CDK2AP1: variants seen among roughly 807,000 people sequenced by gnomAD.
The protein encoded by CDK2AP1 is cyclin-dependent kinase 2-associated protein 1.
A neutral mutation model predicts 14.1 loss-of-function variants in CDK2AP1; 10 were observed. That is an observed-to-expected ratio of 0.71 (90% CI 0.44 to 1.20). The LOEUF is 1.20. CDK2AP1 is among the 50% of genes most tolerant of loss of function. CDK2AP1 has a pLI of 0.00. For synonymous variants in CDK2AP1, 59 were observed against 59.8 expected (o/e 0.99, Z 0.06); for missense variants, 102 against 149.9 (o/e 0.68, Z 1.67).
chr12:123,271,582 CG>C lies in CDK2AP1; in HGVS notation c.36del (p.Ala13ProfsTer35). The C allele has an allele frequency of 9.9e-7, 1 of 1,010,218 alleles. No homozygotes were observed. The highest frequency in any genetic ancestry group is 5.2e-5 in the Admixed American group (1 of 19,372). The allele number at this position is 1,010,218 out of a possible 1,614,324, so 62.6% of individuals were successfully genotyped here. ...SYKPNLAAHM[P>X]AAALNAAGSV... ...CACTCACCGGCGTTGAGGGCGGCGG[CG>C]GGCATGTGCGCGGCCAAGTTCGGTT... On this transcript the variant is annotated frameshift_variant, in exon 1 of 4. Transcript: ENST00000261692. LOFTEE classifies it high-confidence loss of function.
chr12:123,270,059 T>C (rs2048339904), intron 1 of CDK2AP1: 1 of 220,182 alleles, frequency 4.5e-6, no homozygotes, highest in Non-Finnish European at 7.7e-6. Flanking sequence ...AGGGTCCCAG[T>C]TTAGGGCCCC....
intron 1 of CDK2AP1, among the ~76,000 whole-genome samples, chr12:123,269,521 C>A (rs899639589): frequency 6.6e-6 from 1 of 152,234 alleles, no homozygotes; most frequent in Non-Finnish European, 1.5e-5. Flanking sequence ...AAGGCCGTCT[C>A]GGCGCATCTC....
At chr12:123,267,749 AG>A (rs1437067044) in intron 1 of CDK2AP1, 1 of 162,278 alleles carries the variant, frequency 6.2e-6, no homozygotes, top group African/African-American at 2.4e-5. Flanking sequence ...ATGACAGGGA[AG>A]ACAGGAAGGC....
intron 2 of CDK2AP1, among the ~76,000 whole-genome samples, chr12:123,266,631 G>A (rs2048298663): frequency 6.6e-6 from 1 of 152,254 alleles, no homozygotes. Flanking sequence ...TCACCCTTGG[G>A]CTGATGAGGA....
At position 123,265,074 on chromosome 12, in the gene CDK2AP1, G is replaced by T; in HGVS notation, c.280+122C>A. 7.3e-7 allele frequency: 1 copy of T among 1,363,416 alleles called. No homozygotes were observed. Among genetic ancestry groups the T allele is most frequent in the Non-Finnish European group, 1.0e-6 (1 of 981,326 alleles). The allele number at this position is 1,363,416 out of a possible 1,614,324, so 84.5% of individuals were successfully genotyped here. ...ACCACAGACGGCAACTCTGTAACAAGACAGGAGCTCCCATGAGTGAGCCTC... is the reference window on the plus strand; with the variant it reads ...ACCACAGACGGCAACTCTGTAACAATACAGGAGCTCCCATGAGTGAGCCTC... On this transcript the variant is annotated intron_variant, in intron 3 of 3. Coordinates refer to ENST00000261692, the MANE Select transcript of CDK2AP1 (RefSeq NM_004642.4). This position sits in a 1 kb window ranked among gnomAD's most constrained non-coding sequence, Gnocchi z 5.3.
At position 123,265,136 on chromosome 12, in the gene CDK2AP1, CTT is replaced by C; in HGVS notation, c.280+58_280+59del. ...ACCTTCCCACATTTTCCCCAAAAGT[CTT>C]TCCAGAGTTAAAGGTCTAGCACTGT... On this transcript the variant is annotated intron_variant, in intron 3 of 3. Coordinates refer to ENST00000261692, the MANE Select transcript of CDK2AP1 (RefSeq NM_004642.4). The surrounding 1 kb of genome is among the most constrained non-coding windows in gnomAD (Gnocchi z 5.3). 17 of 1,603,848 alleles carry C rather than the reference CTT, an allele frequency of 1.1e-5. No individual in the cohort carries two copies. Among genetic ancestry groups the C allele is most frequent in the Non-Finnish European group, 1.4e-5 (17 of 1,172,992 alleles).
At chr12:123,268,652 G>C (rs1375794427) in intron 1 of CDK2AP1, among the ~76,000 whole-genome samples, 1 of 152,252 alleles carries the variant, frequency 6.6e-6, no homozygotes, top group African/African-American at 2.4e-5. Flanking sequence ...GCCACTCCGA[G>C]CCTCAGTTTC....
Position 123,265,762 on chromosome 12 carries a change from C to T in CDK2AP1, c.154-440G>A, listed in dbSNP as rs1230958091. ...AAGCAACTTTATTATCTCCAATGAA[C>T]AAAACAGGGGAAACAGCTCATTTTG... On this transcript the variant is annotated intron_variant, in intron 2 of 3. Coordinates refer to ENST00000261692, the MANE Select transcript of CDK2AP1 (RefSeq NM_004642.4). The surrounding 1 kb of genome is among the most constrained non-coding windows in gnomAD (Gnocchi z 5.3). Among the ~76,000 whole-genome samples, 1 of 152,134 alleles carries T rather than the reference C, an allele frequency of 6.6e-6. No homozygotes were observed. The highest frequency in any genetic ancestry group is 1.5e-5 in the Non-Finnish European group (1 of 68,014).
rs1018613234 is a variant in CDK2AP1, at chr12:123,265,935, TG to T, written c.154-614del. Among the ~76,000 whole-genome samples, 3 of 151,944 alleles carry T rather than the reference TG, an allele frequency of 2.0e-5. No individual in the cohort carries two copies. Among genetic ancestry groups the T allele is most frequent in the Non-Finnish European group, 4.4e-5 (3 of 67,954 alleles). On this transcript the variant is annotated intron_variant, in intron 2 of 3. Transcript: ENST00000261692. The surrounding 1 kb of genome is among the most constrained non-coding windows in gnomAD (Gnocchi z 5.3). ...GATCCGCCATGGCCCAGCCAGAGCC[TG>T]GAATGCATTCCCTTCTCTCATCCTC...
intron 2 of CDK2AP1, among the ~76,000 whole-genome samples, chr12:123,266,588 G>A (rs1328783378): frequency 1.3e-5 from 2 of 152,254 alleles, no homozygotes; most frequent in African/African-American, 2.4e-5. Flanking sequence ...CCCCATTCCT[G>A]CTGTTCGCCA....
chr12:123,268,863 GGCA>G (rs2048326151), intron 1 of CDK2AP1, among the ~76,000 whole-genome samples: 1 of 152,214 alleles, frequency 6.6e-6, no homozygotes, highest in Admixed American at 6.5e-5. Flanking sequence ...CTTCTGATGT[GGCA>G]GCAAGCATGG....
rs1428173787 is a variant in CDK2AP1, at chr12:123,271,598, C to G, written c.21G>C (p.Leu7Phe). The change falls in exon 1 of 4, where the codon TTG (leucine) becomes TTC (phenylalanine). Residue 7 changes from leucine to phenylalanine, a missense_variant. Leu to Phe is a conservative substitution (Grantham distance 22). Coordinates refer to ENST00000261692, the MANE Select transcript of CDK2AP1 (RefSeq NM_004642.4). MSYKPN[L>F]AAHMPAAALN... ...GGGCGGCGGCGGGCATGTGCGCGGC[C>G]AAGTTCGGTTTGTAAGACATCCCCC... 28 of 1,007,474 alleles carry G rather than the reference C, an allele frequency of 2.8e-5. No homozygotes were observed. The highest frequency in any genetic ancestry group is 3.2e-5 in the Non-Finnish European group (27 of 844,936). The allele number at this position is 1,007,474 out of a possible 1,614,324, so 62.4% of individuals were successfully genotyped here. A position where few individuals can be genotyped will look rare whatever the true frequency, so the allele number is the denominator to read the frequency against.
chr12:123,263,210 C>CAA (rs1322793114), intron 3 of CDK2AP1, among the ~76,000 whole-genome samples: 51 of 71,962 alleles, frequency 7.1e-4, no homozygotes, highest in Non-Finnish European at 7.7e-4. Flanking sequence ...GACTCTGTCT[C>CAA]AAAAAAAAAA....
At position 123,261,483 on chromosome 12, in the gene CDK2AP1, G is replaced by C. The variant is rs1480490894; in HGVS notation, c.*253C>G. 2 of 422,330 alleles carry C rather than the reference G, an allele frequency of 4.7e-6. No homozygotes were observed. The highest frequency in any genetic ancestry group is 8.6e-6 in the Non-Finnish European group (2 of 232,806). 26.2% of individuals were successfully genotyped at this position (422,330 alleles called of 1,614,324 possible). A position where few individuals can be genotyped will look rare whatever the true frequency, so the allele number is the denominator to read the frequency against. On this transcript the variant is annotated 3_prime_UTR_variant, in exon 4 of 4. Transcript: ENST00000261692. ...ACAGTTTGCTGTAAGATAACTTTCC[G>C]TGCATCTTTTAAATCAATGCTTAAA...
At chr12:123,267,304 GC>G in intron 1 of CDK2AP1, 22 bp from the exon 2 acceptor site, 2 of 1,491,330 alleles carry the variant, frequency 1.3e-6, no homozygotes, top group Non-Finnish European at 1.9e-6. Context: ...GGAGAGAGAG[GC>G]CAGGAGTCAG....
Position 123,265,445 on chromosome 12 carries a change from G to A in CDK2AP1, c.154-123C>T, listed in dbSNP as rs2048280111. 2.3e-6 allele frequency: 2 copies of A among 867,654 alleles called. No individual in the cohort carries two copies. The highest frequency in any genetic ancestry group is 3.9e-5 in the Admixed American group (2 of 51,568). The allele number at this position is 867,654 out of a possible 1,614,324, so 53.7% of individuals were successfully genotyped here. ...TTGGACCCAGGAGGTGGAAGTTGCA[G>A]TGAGCCAAGATCACTCCACTGCACT... On this transcript the variant is annotated intron_variant, in intron 2 of 3. Coordinates refer to ENST00000261692, the MANE Select transcript of CDK2AP1 (RefSeq NM_004642.4). The surrounding 1 kb of genome is among the most constrained non-coding windows in gnomAD (Gnocchi z 5.3).
chr12:123,272,084 G>A (rs1362409364), upstream of CDK2AP1: 4 of 151,052 alleles, frequency 2.6e-5, no homozygotes, highest in African/African-American at 4.8e-5. Flanking sequence ...GGCGGCTGCG[G>A]GAGGCCAGGG....
rs1449692469 is a variant in CDK2AP1, at chr12:123,265,326, G to C, written c.154-4C>G. On this transcript the variant is annotated splice_region_variant and splice_polypyrimidine_tract_variant and intron_variant, in intron 2 of 3. Transcript: ENST00000261692. This position sits in a 1 kb window ranked among gnomAD's most constrained non-coding sequence, Gnocchi z 5.3. ...GCACCTGGCTGTTCCCAGTTCCCTAGAATCAGAAAGAAATGGGTTCAGCAA... is the reference window on the plus strand; with the variant it reads ...GCACCTGGCTGTTCCCAGTTCCCTACAATCAGAAAGAAATGGGTTCAGCAA... The C allele has an allele frequency of 6.2e-7, 1 of 1,614,004 alleles. No individual in the cohort carries two copies. Among genetic ancestry groups the C allele is most frequent in the South Asian group, 1.1e-5 (1 of 91,074 alleles).
intron 1 of CDK2AP1, chr12:123,267,716 C>T (rs10083067): frequency 0.054 from 9,666 of 177,462 alleles, 350 homozygotes; most frequent in South Asian, 0.11. Context: ...TGCTTCTATG[C>T]GCTCAAATCT....
Sources: gnomAD v4.1 joint callset for allele counts (sites outside exome capture counted in the v4.1 genomes callset) on GRCh38, gnomAD v4.1.1 for gene constraint, Gnocchi (gnomAD v3.1) non-coding constraint, MANE v1.5 for transcripts, NCBI Gene and HGNC (gene_info 2026-07-23, HGNC 2026-07-21) for gene names.